Variants in CAPSL observed in about 807,000 individuals in gnomAD.
CAPSL encodes calcyphosin-like protein.
CAPSL carries 17 observed loss-of-function variants against 21.3 expected under a neutral mutation model. That is an observed-to-expected ratio of 0.80 (90% CI 0.55 to 1.20). The LOEUF is 1.20. Among genes scored for constraint, CAPSL ranks in the 50% most tolerant of loss-of-function variants. CAPSL has a pLI of 0.00. For synonymous variants in CAPSL, 102 were observed against 89.3 expected, an observed-to-expected ratio of 1.14 and a Z score of -0.80; for missense variants, 289 against 259.3, an observed-to-expected ratio of 1.11 and a Z score of -0.79.
intron 2 of CAPSL, among the ~76,000 whole-genome samples, chr5:35,916,461 C>T (rs80209855): frequency 3.9e-5 from 6 of 152,038 alleles, no homozygotes; most frequent in African/African-American, 1.5e-4. Flanking sequence ...TGACTTCAAA[C>T]TATACTACAA....
chr5:35,912,848 A>G (rs1240091848), intron 2 of CAPSL, among the ~76,000 whole-genome samples: 2 of 152,218 alleles, frequency 1.3e-5, no homozygotes, highest in Non-Finnish European at 2.9e-5. Context: ...CAATGGAACA[A>G]AGCTGGATGG....
intron 2 of CAPSL, among the ~76,000 whole-genome samples, chr5:35,915,903 G>A (rs1738372686): frequency 6.6e-6 from 1 of 152,130 alleles, no homozygotes; most frequent in Non-Finnish European, 1.5e-5. Flanking sequence ...TATTCAATTA[G>A]GAAAAGAGGA....
chr5:35,922,067 T>G (rs1181347489), intron 1 of CAPSL, among the ~76,000 whole-genome samples: 1 of 43,230 alleles, frequency 2.3e-5, no homozygotes, highest in South Asian at 1.8e-3. Context: ...GCATGCAATG[T>G]GCAGAAAAAA....
At chr5:35,926,376 A>G (rs937051521) in intron 1 of CAPSL, among the ~76,000 whole-genome samples, 14 of 152,188 alleles carry the variant, frequency 9.2e-5, no homozygotes, top group African/African-American at 2.7e-4. Context: ...GATTTGGGGC[A>G]GAGGCAGAGT....
intron 1 of CAPSL, among the ~76,000 whole-genome samples, chr5:35,930,660 T>C (rs1320659509): frequency 1.3e-5 from 2 of 152,222 alleles, no homozygotes; most frequent in Non-Finnish European, 2.9e-5. Flanking sequence ...TTATGTGCCA[T>C]ACAAGAGGAA....
rs150939163 is a variant in CAPSL, at chr5:35,936,372, G to A, written c.-1+2169C>T. Among the ~76,000 whole-genome samples, 317 of 152,138 alleles carry A rather than the reference G, an allele frequency of 2.1e-3. 4 individuals carry two copies. Among genetic ancestry groups the A allele is most frequent in the Non-Finnish European group, 3.1e-3 (208 of 68,008 alleles). ...GCTCCTTCTTTTAGTTCATGAATCC[G>A]CTGTGGTCCCTCAGTCCTGGACTCC... On this transcript the variant is annotated intron_variant, in intron 1 of 4. Coordinates refer to ENST00000651391, the MANE Select transcript of CAPSL (RefSeq NM_001042625.2).
chr5:35,935,948 G>T (rs986456029), intron 1 of CAPSL, among the ~76,000 whole-genome samples: 1 of 152,162 alleles, frequency 6.6e-6, no homozygotes, highest in Non-Finnish European at 1.5e-5. Flanking sequence ...AAGTGCAGCT[G>T]AATAAACCCA....
rs188712873 is a variant in CAPSL, at chr5:35,913,729, A to C, written c.138-3186T>G. Among the ~76,000 whole-genome samples the C allele has an allele frequency of 2.0e-4, 31 of 152,348 alleles. No individual in the cohort carries two copies. In the East Asian group the frequency reaches 5.6e-3, roughly 27 times the overall value. On this transcript the variant is annotated intron_variant, in intron 2 of 4. Transcript: ENST00000651391. ...GGAAGCACTAAATGTGGAAAGGAAC[A>C]ACCGGTACCAGCCACTGCAAAAACA...
chr5:35,920,600 A>T (rs1453696541), intron 2 of CAPSL, among the ~76,000 whole-genome samples: 1 of 152,084 alleles, frequency 6.6e-6, no homozygotes, highest in Non-Finnish European at 1.5e-5. Flanking sequence ...CAAAATTCCA[A>T]ATTCTGCAAT....
chr5:35,926,270 G>T (rs1006734294), intron 1 of CAPSL, among the ~76,000 whole-genome samples: 2 of 152,110 alleles, frequency 1.3e-5, no homozygotes, highest in Admixed American at 1.3e-4. Flanking sequence ...GAGGGAGAGG[G>T]CGGACTCGGG....
chr5:35,909,973 A>T lies in CAPSL; in HGVS notation c.418T>A (p.Tyr140Asn). The change falls in exon 4 of 5, where the codon TAT becomes AAT. Residue 140 changes from tyrosine to asparagine, a missense_variant. Coordinates refer to ENST00000651391, the MANE Select transcript of CAPSL (RefSeq NM_001042625.2). ...VITIEDLREV[Y>N]NAKHHPKYQN... ...TACTTTGGGTGGTGTTTTGCATTAT[A>T]TACTTCACGAAGGTCTTCGATTGTT... The T allele has an allele frequency of 1.2e-6, 2 of 1,613,876 alleles. No individual in the cohort carries two copies. Among genetic ancestry groups the T allele is most frequent in the Admixed American group, 1.7e-5 (1 of 59,994 alleles).
At chr5:35,932,778 G>A (rs1267589706) in intron 1 of CAPSL, among the ~76,000 whole-genome samples, 2 of 152,188 alleles carry the variant, frequency 1.3e-5, no homozygotes, top group African/African-American at 4.8e-5. Flanking sequence ...TGATGCAGAA[G>A]ACTAAGGAAA....
At chr5:35,934,855 G>A (rs1185476730) in intron 1 of CAPSL, among the ~76,000 whole-genome samples, 1 of 152,026 alleles carries the variant, frequency 6.6e-6, no homozygotes, top group Non-Finnish European at 1.5e-5. Flanking sequence ...ACCTTTGAAT[G>A]TGCCATCAAT....
chr5:35,924,840 C>T (rs1738631501), intron 1 of CAPSL, among the ~76,000 whole-genome samples: 1 of 152,160 alleles, frequency 6.6e-6, no homozygotes, highest in South Asian at 2.1e-4. Flanking sequence ...TTAAGGAAGG[C>T]AGGATTGCAC....
At position 35,914,151 on chromosome 5, in the gene CAPSL, A is replaced by G. The variant is rs576728808; in HGVS notation, c.138-3608T>C. ...TGGTAAAGGGATCAATTCAACAAGA[A>G]GAGCTAACTATCCTAAATATATATG... On this transcript the variant is annotated intron_variant, in intron 2 of 4. Transcript: ENST00000651391. Among the ~76,000 whole-genome samples the G allele has an allele frequency of 1.2e-4, 19 of 152,368 alleles. No homozygotes were observed. In the South Asian group the frequency reaches 2.5e-3, roughly 20 times the overall value.
chr5:35,933,782 A>G (rs1738877788), intron 1 of CAPSL, among the ~76,000 whole-genome samples: 1 of 152,166 alleles, frequency 6.6e-6, no homozygotes. Flanking sequence ...GCTCTCTCAA[A>G]CTACACTTTT....
chr5:35,935,936 T>C (rs1580900139), intron 1 of CAPSL, among the ~76,000 whole-genome samples: 1 of 152,214 alleles, frequency 6.6e-6, no homozygotes. Context: ...AACGGCAGAC[T>C]GAAGTGCAGC....
intron 2 of CAPSL, among the ~76,000 whole-genome samples, chr5:35,919,708 G>C (rs1738486499): frequency 6.6e-6 from 1 of 152,136 alleles, no homozygotes; most frequent in African/African-American, 2.4e-5. Context: ...GGAGGAGAGG[G>C]GCAGCTTCCA....
chr5:35,917,813 A>C (rs537903895), intron 2 of CAPSL, among the ~76,000 whole-genome samples: 1 of 152,140 alleles, frequency 6.6e-6, no homozygotes, highest in African/African-American at 2.4e-5. Context: ...ACATGTATAC[A>C]TATGTAACAA....
Sources: allele counts gnomAD v4.1 joint callset (sites outside exome capture counted in the v4.1 genomes callset), GRCh38; gene constraint gnomAD v4.1.1; transcripts MANE v1.5; gene names NCBI Gene and HGNC (gene_info 2026-07-23, HGNC 2026-07-21).